Variants in POR observed in about 807,000 individuals in gnomAD.
POR encodes the protein NADPH--cytochrome P450 reductase.
Under a neutral mutation model 84.0 loss-of-function variants are expected in POR, and 56 were observed. The observed-to-expected ratio is 0.67, with a 90% CI of 0.54 to 0.83. The LOEUF is 0.83. Among genes scored for constraint, POR ranks in the 40% least tolerant of loss-of-function variants. The pLI is 0.00. For missense variants in POR, 938 were observed against 944.3 expected, an observed-to-expected ratio of 0.99 and a Z score of 0.09; for synonymous variants, 414 against 400.5, an observed-to-expected ratio of 1.03 and a Z score of -0.40.
intron 3 of POR, among the ~76,000 whole-genome samples, chr7:75,976,185 T>C (rs192102249): frequency 3.1e-4 from 47 of 152,322 alleles, no homozygotes; most frequent in Non-Finnish European, 5.4e-4. Context: ...TCTTTTGTTC[T>C]CTTAACCTGA....
At position 75,970,741 on chromosome 7, in the gene POR, T is replaced by C. The variant is rs1436854828; in HGVS notation, c.189-1672T>C. Among the ~76,000 whole-genome samples the C allele has an allele frequency of 6.1e-5, 9 of 148,366 alleles. No homozygotes were observed. In the South Asian group the frequency reaches 1.7e-3, roughly 28 times the overall value. On this transcript the variant is annotated intron_variant, in intron 2 of 15. Transcript: ENST00000461988. ...TCCAGCCTGGGCGACAAAGCGAGAC[T>C]CCATCTCAAAAAAAAAAAAGAAAAA...
At chr7:75,960,856 C>T (rs1184213476) in intron 2 of POR, among the ~76,000 whole-genome samples, 2 of 152,122 alleles carry the variant, frequency 1.3e-5, no homozygotes, top group Non-Finnish European at 2.9e-5. Flanking sequence ...GTGGCTGCCT[C>T]TAGGGAAACC....
chr7:75,922,004 G>A (rs1433332916), intron 1 of POR, among the ~76,000 whole-genome samples: 1 of 152,182 alleles, frequency 6.6e-6, no homozygotes, highest in Non-Finnish European at 1.5e-5. Flanking sequence ...ACTGTGCCCG[G>A]TCACTGTCAC....
At chr7:75,952,769 T>C (rs1410065075) in intron 1 of POR, among the ~76,000 whole-genome samples, 1 of 141,952 alleles carries the variant, frequency 7.0e-6, no homozygotes, top group African/African-American at 2.7e-5. Context: ...GGGATGGCGG[T>C]GGAGAAGAGG....
chr7:75,945,927 T>C (rs1178388521), intron 1 of POR, among the ~76,000 whole-genome samples: 1 of 152,158 alleles, frequency 6.6e-6, no homozygotes, highest in Non-Finnish European at 1.5e-5. Flanking sequence ...GTGTTGCAAA[T>C]GGTTGGCCTC....
rs72557953 is a variant in POR at position 75,986,118 on chromosome 7, C to A, written c.1816-41C>A. On this transcript the variant is annotated intron_variant, in intron 14 of 15. Transcript: ENST00000461988. ...GGTGGGCATGAGGCTGGCAGGGCCA[C>A]AGCCACAGTGCCCCCCTCACAGCAC... is the stretch of plus-strand genomic sequence containing the variant. 5.0e-6 allele frequency: 8 copies of A among 1,584,286 alleles called. No homozygotes were observed. In the African/African-American group the frequency reaches 8.1e-5, roughly 16 times the overall value.
chr7:75,966,573 T>C (rs1788191756), intron 2 of POR, among the ~76,000 whole-genome samples: 1 of 152,098 alleles, frequency 6.6e-6, no homozygotes, highest in Non-Finnish European at 1.5e-5. Flanking sequence ...AGACGCTAGG[T>C]TCTGAAAGGG....
intron 1 of POR, among the ~76,000 whole-genome samples, chr7:75,950,251 C>T (rs782231563): frequency 1.3e-5 from 2 of 152,154 alleles, no homozygotes; most frequent in African/African-American, 2.4e-5. Context: ...GCGGTGATTA[C>T]GTAGGTGCAG....
rs144540271 is a variant in POR, at chr7:75,948,726, A to G, written c.-4-5263A>G. Among the ~76,000 whole-genome samples, 523 of 152,358 alleles carry G rather than the reference A, an allele frequency of 3.4e-3. 3 individuals are homozygous for G. Among genetic ancestry groups the G allele is most frequent in the African/African-American group, 0.011 (437 of 41,580 alleles). Reference sequence around the variant, plus strand: ...ATGTTTATTTATTCAACAAATCGACATAAATGCTCATTATATGCCAGTCTG... The same window carrying G: ...ATGTTTATTTATTCAACAAATCGACGTAAATGCTCATTATATGCCAGTCTG... On this transcript the variant is annotated intron_variant, in intron 1 of 15. Transcript: ENST00000461988.
At position 75,986,331 on chromosome 7, in the gene POR, G is replaced by C; in HGVS notation, c.1899-6G>C. 1 of 1,612,668 alleles carries C rather than the reference G, an allele frequency of 6.2e-7. No individual in the cohort carries two copies. The highest frequency in any genetic ancestry group is 8.5e-7 in the Non-Finnish European group (1 of 1,179,868). Reference sequence around the variant, plus strand: ...CCAGCCCCCAGCACCCCCTCTTCCTGCCCAGGGATGCACGGAACATGGCCA... The same window carrying C: ...CCAGCCCCCAGCACCCCCTCTTCCTCCCCAGGGATGCACGGAACATGGCCA... On this transcript the variant is annotated splice_polypyrimidine_tract_variant and splice_region_variant and intron_variant, in intron 15 of 15. Transcript: ENST00000461988.
chr7:75,972,828 C>CTTT, intron 3 of POR: 3 of 262,418 alleles, frequency 1.1e-5, no homozygotes, highest in Non-Finnish European at 1.5e-5. Context: ...GTTTTTGTTA[C>CTTT]TTTTTTTTTT....
chr7:75,938,519 A>G (rs1426202442), intron 1 of POR, among the ~76,000 whole-genome samples: 2 of 152,124 alleles, frequency 1.3e-5, no homozygotes, highest in East Asian at 3.9e-4. Flanking sequence ...GCACTTTGGG[A>G]GGCCAAGATG....
intron 2 of POR, among the ~76,000 whole-genome samples, chr7:75,965,610 G>A (rs937071235): frequency 4.6e-5 from 7 of 152,010 alleles, no homozygotes; most frequent in Admixed American, 3.9e-4. Context: ...TTCTGTCACC[G>A]ATGGGCTGAA....
chr7:75,986,399 G>C lies in POR; in HGVS notation c.1961G>C (p.Gly654Ala). 1.9e-6 allele frequency: 3 copies of C among 1,612,556 alleles called. No homozygotes were observed. Among genetic ancestry groups the C allele is most frequent in the Non-Finnish European group, 2.5e-6 (3 of 1,179,846 alleles). The change falls in exon 16 of 16, where the codon GGG (glycine) becomes GCG (alanine). Residue 654 changes from glycine (G) to alanine (A), a missense_variant. Coordinates refer to ENST00000461988, the MANE Select transcript of POR (RefSeq NM_000941.3). ...TTCTACGACATCGTGGCTGAGCTCG[G>C]GGCCATGGAGCACGCGCAGGCGGTG...
At chr7:75,971,219 C>G (rs1788426404) in intron 2 of POR, 1 of 152,008 alleles carries the variant, frequency 6.6e-6, no homozygotes, top group Non-Finnish European at 1.5e-5. Context: ...CCTCAACCTC[C>G]CAAAGTGCTG....
rs868939611 is a variant in POR, at chr7:75,951,074, C to A, written c.-4-2915C>A. 9.0e-5 allele frequency among the ~76,000 whole-genome samples: 7 copies of A among 78,006 alleles called. 1 individual carries two copies. The highest frequency in any genetic ancestry group is 2.7e-4 in the African/African-American group (6 of 22,576). 51.2% of individuals were successfully genotyped at this position (78,006 alleles called of 152,430 possible). A position where few individuals can be genotyped will look rare whatever the true frequency, so the allele number is the denominator to read the frequency against. On this transcript the variant is annotated intron_variant, in intron 1 of 15. Transcript: ENST00000461988. ...GCTCTGTCCCCCGGCCCCCCCCCCC[C>A]CCGAAAAAAAAAAAGTCATATCAAA...
At chr7:75,933,188 T>G (rs1469272516) in intron 1 of POR, among the ~76,000 whole-genome samples, 1 of 152,106 alleles carries the variant, frequency 6.6e-6, no homozygotes, top group Non-Finnish European at 1.5e-5. Context: ...TTGACAAAGT[T>G]GTATATATTT....
chr7:75,929,845 C>T (rs1249255298), intron 1 of POR, among the ~76,000 whole-genome samples: 1 of 152,170 alleles, frequency 6.6e-6, no homozygotes, highest in Non-Finnish European at 1.5e-5. Flanking sequence ...CTAGTAGAAA[C>T]TCTGTTTTTG....
chr7:75,927,251 A>G (rs1185006903), intron 1 of POR, among the ~76,000 whole-genome samples: 2 of 152,160 alleles, frequency 1.3e-5, no homozygotes, highest in Non-Finnish European at 2.9e-5. Context: ...CACACCTGTA[A>G]TCCCAGCACT....
Sources: gnomAD v4.1 joint callset for allele counts (sites outside exome capture counted in the v4.1 genomes callset) on GRCh38, gnomAD v4.1.1 for gene constraint, MANE v1.5 for transcripts, NCBI Gene and HGNC (gene_info 2026-07-23, HGNC 2026-07-21) for gene names.